The following RRBP1 variants were observed in gnomAD, a reference collection of about 807,000 sequenced individuals.
RRBP1 encodes ribosome binding protein 1.
Under a neutral mutation model 165.2 loss-of-function variants are expected in RRBP1, and 94 were observed. The ratio of observed to expected loss-of-function variants is 0.57; its 90% confidence interval spans 0.48 to 0.68. The LOEUF (loss-of-function observed/expected upper bound fraction) is 0.68, where lower values mean the gene tolerates loss of function less well. RRBP1 is among the 30% of genes least tolerant of loss of function. The probability of loss-of-function intolerance (pLI) is 0.00; values close to 1 mark genes in which losing one functional copy is unlikely to be tolerated. For missense variants in RRBP1, 1,676 were observed against 1,763.0 expected (o/e 0.95, Z 0.88); for synonymous variants, 680 against 714.5 (o/e 0.95, Z 0.77).
intron 19 of RRBP1, chr20:17,619,398 G>A (rs894821848): frequency 4.6e-6 from 2 of 433,594 alleles, no homozygotes; most frequent in Non-Finnish European, 8.2e-6. Context: ...GGGCAGGGCT[G>A]CCTGGCTCTG....
intron 6 of RRBP1, 139 bp downstream of exon 6, chr20:17,636,438 T>C: frequency 9.9e-7 from 1 of 1,014,572 alleles, no homozygotes; most frequent in Non-Finnish European, 1.4e-6. Flanking sequence ...CTCCTAAACC[T>C]GACCAGACCT....
At chr20:17,622,318 T>A (rs975808008) in intron 13 of RRBP1, among the ~76,000 whole-genome samples, 3 of 152,030 alleles carry the variant, frequency 2.0e-5, no homozygotes, top group African/African-American at 7.2e-5. Context: ...GGTCCGCAGT[T>A]GATGTGTGAG....
Position 17,641,590 on chromosome 20 carries a change from T to C in RRBP1, c.2184+207A>G, listed in dbSNP as rs543274060. 1.4e-4 allele frequency: 85 copies of C among 623,156 alleles called. 2 individuals carry two copies. The South Asian group carries it at 1.4e-3, about 10-fold the overall frequency. 38.6% of individuals were successfully genotyped at this position (623,156 alleles called of 1,614,324 possible). A position where few individuals can be genotyped will look rare whatever the true frequency, so the allele number is the denominator to read the frequency against. On this transcript the variant is annotated intron_variant, in intron 5 of 24. Coordinates refer to ENST00000377813, the MANE Select transcript of RRBP1 (RefSeq NM_001365613.2). ...AGCCACGAAGGAAGCCACCACGCCG[T>C]AGAGCCACGAGCACTGCCAAGGGTG...
intron 2 of RRBP1, among the ~76,000 whole-genome samples, chr20:17,669,567 T>C (rs2036935231): frequency 6.6e-6 from 1 of 152,242 alleles, no homozygotes; most frequent in Non-Finnish European, 1.5e-5. Context: ...GTCTACTCAA[T>C]ATCATATCAG....
rs2035898448 is a variant in RRBP1 at position 17,620,745 on chromosome 20, C to T, written c.3477G>A (p.Lys1159=). ...VEEEEQVWRA[K]VGAAEEELQK... ...GGAGCTCCTCCTCTGCGGCGCCCAC[C>T]TTGGCCCTCCACACCTGCTCCTCCT... The change falls in exon 17 of 25, where the codon AAG becomes AAA. Residue 1159 remains lysine, a synonymous_variant. Transcript: ENST00000377813. 2 of 1,608,110 alleles carry T rather than the reference C, an allele frequency of 1.2e-6. No individual in the cohort carries two copies. Among genetic ancestry groups the T allele is most frequent in the East Asian group, 4.5e-5 (2 of 44,878 alleles).
chr20:17,666,938 G>A (rs995786707), intron 2 of RRBP1, among the ~76,000 whole-genome samples: 1 of 152,164 alleles, frequency 6.6e-6, no homozygotes, highest in Non-Finnish European at 1.5e-5. Context: ...AATAATGCCA[G>A]TTCACAGAAA....
chr20:17,616,532 C>T (rs1475901923), intron 21 of RRBP1, among the ~76,000 whole-genome samples, 200 bp downstream of exon 21: 1 of 152,216 alleles, frequency 6.6e-6, no homozygotes, highest in African/African-American at 2.4e-5. Context: ...CTCCTCCAGC[C>T]TCTCCACCTG....
intron 2 of RRBP1, among the ~76,000 whole-genome samples, chr20:17,669,731 C>T (rs773196426): frequency 5.3e-5 from 8 of 152,136 alleles, no homozygotes; most frequent in Non-Finnish European, 1.0e-4. Context: ...CAAATGGTAG[C>T]TCTGAAGTTT....
intron 2 of RRBP1, among the ~76,000 whole-genome samples, chr20:17,673,601 G>GT (rs1442557354): frequency 6.6e-6 from 1 of 152,100 alleles, no homozygotes; most frequent in Non-Finnish European, 1.5e-5. Flanking sequence ...TAGAGACAGG[G>GT]TTTCACCATG....
intron 12 of RRBP1, 112 bp downstream of exon 12, chr20:17,625,400 A>T (rs1278493148): frequency 3.3e-6 from 3 of 911,858 alleles, no homozygotes; most frequent in Middle Eastern, 3.2e-4. Context: ...GTGTAGAAAC[A>T]CAAGCTCAGC....
intron 12 of RRBP1, among the ~76,000 whole-genome samples, 172 bp downstream of exon 12, chr20:17,625,339 AG>A (rs1230772449): frequency 5.9e-5 from 9 of 152,082 alleles, no homozygotes; most frequent in African/African-American, 2.2e-4. Flanking sequence ...GGCGGAACTC[AG>A]GGGTGAGTAG....
chr20:17,649,486 TG>T (rs1198976587), intron 3 of RRBP1, among the ~76,000 whole-genome samples: 2 of 150,924 alleles, frequency 1.3e-5, no homozygotes, highest in African/African-American at 4.9e-5. Context: ...ACTGCACATC[TG>T]AACAAACACC....
intron 20 of RRBP1, among the ~76,000 whole-genome samples, chr20:17,618,392 C>T (rs563957966): frequency 9.3e-4 from 142 of 152,312 alleles, no homozygotes; most frequent in African/African-American, 3.2e-3. Flanking sequence ...CACCCTGGTC[C>T]CAACAGCCAC....
At chr20:17,658,173 A>C (rs555385604) in intron 3 of RRBP1, among the ~76,000 whole-genome samples, 1 of 152,174 alleles carries the variant, frequency 6.6e-6, no homozygotes, top group Non-Finnish European at 1.5e-5. Flanking sequence ...CCCTGGACAC[A>C]GTGGACTCCC....
At chr20:17,619,799 G>C in intron 18 of RRBP1, 71 bp from the exon 19 acceptor site, 1 of 1,189,252 alleles carries the variant, frequency 8.4e-7, no homozygotes, top group Non-Finnish European at 1.2e-6. Flanking sequence ...ACCTCAGGGA[G>C]CAGGCTGGCC....
At chr20:17,630,607 G>C (rs2036129742) in intron 8 of RRBP1, among the ~76,000 whole-genome samples, 3 of 152,210 alleles carry the variant, frequency 2.0e-5, no homozygotes, top group Non-Finnish European at 4.4e-5. Flanking sequence ...TCCCGGCTCA[G>C]TGTCAGGCAG....
chr20:17,665,940 T>A (rs1291809724), intron 2 of RRBP1, among the ~76,000 whole-genome samples: 2 of 152,228 alleles, frequency 1.3e-5, no homozygotes, highest in African/African-American at 4.8e-5. Context: ...CACCATTTCC[T>A]GACTGGTCTT....
chr20:17,614,303 T>C, intron 24 of RRBP1, 83 bp from the exon 25 acceptor site: 1 of 1,385,438 alleles, frequency 7.2e-7, no homozygotes, highest in South Asian at 1.2e-5. Context: ...GGGCCTTTAG[T>C]CCCTCCCTGG....
At chr20:17,655,221 A>G (rs2036625828) in intron 3 of RRBP1, among the ~76,000 whole-genome samples, 3 of 152,124 alleles carry the variant, frequency 2.0e-5, no homozygotes, top group South Asian at 4.1e-4. Context: ...TCTTATAGAA[A>G]CCAGGTCTCA....
Sources: gnomAD v4.1 joint callset for allele counts (sites outside exome capture counted in the v4.1 genomes callset) on GRCh38, gnomAD v4.1.1 for gene constraint, MANE v1.5 for transcripts, NCBI Gene and HGNC (gene_info 2026-07-23, HGNC 2026-07-21) for gene names.